CD180: variants seen among roughly 807,000 people sequenced by gnomAD.
The protein encoded by CD180 is CD180 molecule.
A neutral mutation model predicts 10.7 loss-of-function variants in CD180; 11 were observed. The ratio of observed to expected loss-of-function variants is 1.03; its 90% CI spans 0.65 to 1.70. CD180 has a LOEUF of 1.70. CD180 is among the 40% of genes most tolerant of loss of function. The probability of loss-of-function intolerance (pLI) is 0.00; values close to 1 mark genes in which losing one functional copy is unlikely to be tolerated. For missense variants in CD180, 729 were observed against 775.2 expected (o/e 0.94, Z 0.71); for synonymous variants, 286 against 294.6 (o/e 0.97, Z 0.30).
At chr5:67,191,447 T>A (rs1480142816) in intron 1 of CD180, among the ~76,000 whole-genome samples, 3 of 152,178 alleles carry the variant, frequency 2.0e-5, no homozygotes, top group African/African-American at 7.2e-5. Flanking sequence ...AACTTGGAGT[T>A]CCTTTCAAAA....
Position 67,183,536 on chromosome 5 carries a change from G to C in CD180, c.1307C>G (p.Ala436Gly). The C allele has an allele frequency of 6.2e-7, 1 of 1,614,214 alleles. No individual in the cohort carries two copies. The highest frequency in any genetic ancestry group is 8.5e-7 in the Non-Finnish European group (1 of 1,180,040). Reference sequence around the variant, plus strand: ...GAGGTTTTGGAAGGGACTTTGTGGAGCATTAATGTGTAAGCGGGTAAATGC... The same window carrying C: ...GAGGTTTTGGAAGGGACTTTGTGGACCATTAATGTGTAAGCGGGTAAATGC... ...DLAFTRLHIN[A>G]PQSPFQNLHF... is the part of the protein sequence containing the mutation. The change falls in exon 3 of 3, where the codon GCT becomes GGT. Residue 436 changes from alanine (A) to glycine (G), a missense_variant. By Grantham distance (60) the Ala-to-Gly change is moderately conservative. Transcript: ENST00000256447.
At chr5:67,184,640 C>A in intron 2 of CD180, 55 bp from the exon 3 acceptor site, 4 of 1,408,002 alleles carry the variant, frequency 2.8e-6, no homozygotes, top group South Asian at 1.3e-5. Flanking sequence ...TAAAAAAATA[C>A]TTTACAGTGA....
chr5:67,195,946 T>C (rs1482221914), intron 1 of CD180, among the ~76,000 whole-genome samples: 1 of 152,306 alleles, frequency 6.6e-6, no homozygotes, highest in East Asian at 1.9e-4. Flanking sequence ...TTCTCCTTTT[T>C]CTCTCATTAT....
chr5:67,187,592 G>A (rs1739762998), intron 1 of CD180, among the ~76,000 whole-genome samples: 1 of 152,180 alleles, frequency 6.6e-6, no homozygotes, highest in Non-Finnish European at 1.5e-5. Flanking sequence ...GAAGCCTGTA[G>A]AACTGTGGGG....
In CD180 at chr5:67,182,751, G is replaced by T; in HGVS notation, c.*106C>A. The T allele has an allele frequency of 1.1e-6, 1 of 895,778 alleles. No homozygotes were observed. 55.5% of individuals were successfully genotyped at this position (895,778 alleles called of 1,614,324 possible). ...CACAGTGAGTCCCTGCCCAGTTCCA[G>T]GAAGCAATCTGAAAAGTCTGGTCTG... On this transcript the variant is annotated 3_prime_UTR_variant, in exon 3 of 3. Transcript: ENST00000256447.
intron 1 of CD180, among the ~76,000 whole-genome samples, chr5:67,189,811 T>C (rs987086052): frequency 6.6e-6 from 1 of 152,132 alleles, no homozygotes; most frequent in Non-Finnish European, 1.5e-5. Context: ...TTCTGTTTGA[T>C]TGAGAGTACA....
chr5:67,184,289 A>G lies in CD180; in HGVS notation c.554T>C (p.Ile185Thr), dbSNP rs1295712370. ...CATGTCTTCTCTAGAGATGTAGTGTATAGCATTATTCTGAAAATCCAGTAC... is the reference window on the plus strand; with the variant it reads ...CATGTCTTCTCTAGAGATGTAGTGTGTAGCATTATTCTGAAAATCCAGTAC... ...LKVLDFQNNAIHYISREDMRS... is the reference protein window; with the variant it reads ...LKVLDFQNNATHYISREDMRS... The change falls in exon 3 of 3, where the codon ATA (isoleucine) becomes ACA (threonine). Residue 185 changes from isoleucine to threonine, a missense_variant. Ile to Thr is a moderately conservative substitution (Grantham distance 89, BLOSUM62 -1). Transcript: ENST00000256447. The G allele has an allele frequency of 6.2e-6, 10 of 1,614,084 alleles. No individual in the cohort carries two copies. The Admixed American group carries it at 1.5e-4, about 24-fold the overall frequency.
Position 67,180,222 on chromosome 5 carries a change from C to A in CD180, c.*2635G>T, listed in dbSNP as rs1182665142. 6.6e-6 allele frequency: 1 copy of A among 152,218 alleles called. No individual in the cohort carries two copies. The highest frequency in any genetic ancestry group is 1.5e-5 in the Non-Finnish European group (1 of 68,036). The allele number at this position is 152,218 out of a possible 1,614,324, so 9.4% of individuals were successfully genotyped here. A position where few individuals can be genotyped will look rare whatever the true frequency, so the allele number is the denominator to read the frequency against. The stretch of plus-strand genomic sequence containing the variant: ...TTATGCTTTGCTAAGGCCTGGGCCC[C>A]TTTCATTGTTAGTGTGATGTAATTC... On this transcript the variant is annotated 3_prime_UTR_variant, in exon 3 of 3. Coordinates refer to ENST00000256447, the MANE Select transcript of CD180 (RefSeq NM_005582.3).
intron 1 of CD180, among the ~76,000 whole-genome samples, chr5:67,196,294 A>T (rs1742402613): frequency 6.6e-6 from 1 of 152,116 alleles, no homozygotes; most frequent in African/African-American, 2.4e-5. Context: ...ATATCTTATG[A>T]CCCACTTGGG....
chr5:67,186,132 C>A, intron 1 of CD180, 115 bp from the exon 2 acceptor site: 1 of 609,450 alleles, frequency 1.6e-6, no homozygotes, highest in Non-Finnish European at 2.7e-6. Flanking sequence ...TAATCTTTAC[C>A]AAATATACAC....
Position 67,184,502 on chromosome 5 carries a change from A to T in CD180, c.341T>A (p.Ile114Lys). ...STLVLTGNPL[I>K]FMAETSLNGP... ...ATTAAGCGATGTTTCTGCCATGAAT[A>T]TCAGGGGATTTCCAGTTAACACAAG... is the stretch of plus-strand genomic sequence containing the variant. The change falls in exon 3 of 3, where the codon ATA becomes AAA. Residue 114 changes from isoleucine to lysine, a missense_variant. Coordinates refer to ENST00000256447, the MANE Select transcript of CD180 (RefSeq NM_005582.3). 1.2e-6 allele frequency: 2 copies of T among 1,614,058 alleles called. No individual in the cohort carries two copies. The highest frequency in any genetic ancestry group is 1.7e-6 in the Non-Finnish European group (2 of 1,179,870).
chr5:67,187,459 TAAGTACAG>T (rs1184825214), intron 1 of CD180, among the ~76,000 whole-genome samples: 1 of 152,236 alleles, frequency 6.6e-6, no homozygotes, highest in Non-Finnish European at 1.5e-5. Context: ...ACCCTACACA[TAAGTACAG>T]ATAACTTCCT....
rs1220583361 is a variant in CD180 at position 67,196,745 on chromosome 5, A to G, written c.-104T>C. On this transcript the variant is annotated 5_prime_UTR_variant, in exon 1 of 3. Transcript: ENST00000256447. ...TTTGGCAGCCAGAGAGGTACTCAGA[A>G]GGGTGATCTTGGAACAAGAAATGCT... The G allele has an allele frequency of 6.9e-7, 1 of 1,446,252 alleles. No homozygotes were observed. The highest frequency in any genetic ancestry group is 9.4e-7 in the Non-Finnish European group (1 of 1,068,422). 89.6% of individuals were successfully genotyped at this position (1,446,252 alleles called of 1,614,324 possible).
Position 67,190,901 on chromosome 5 carries a change from G to A in CD180, c.91-4884C>T, listed in dbSNP as rs528049449. On this transcript the variant is annotated intron_variant, in intron 1 of 2. Coordinates refer to ENST00000256447, the MANE Select transcript of CD180 (RefSeq NM_005582.3). ...AAGTGTTGAAACATTTTCTAATTTG[G>A]AACTCTGAATTTCACTCAAGTGCTT... 129 of 983,508 alleles carry A rather than the reference G, an allele frequency of 1.3e-4. 1 individual carries two copies. The South Asian group carries it at 5.4e-3, about 41-fold the overall frequency. 60.9% of individuals were successfully genotyped at this position (983,508 alleles called of 1,614,324 possible). A position where few individuals can be genotyped will look rare whatever the true frequency, so the allele number is the denominator to read the frequency against.
Position 67,183,107 on chromosome 5 carries a change from AG to A in CD180, c.1735del (p.Leu579TrpfsTer11), listed in dbSNP as rs760256761. On this transcript the variant is annotated frameshift_variant, in exon 3 of 3. Coordinates refer to ENST00000256447, the MANE Select transcript of CD180 (RefSeq NM_005582.3). LOFTEE classifies it low-confidence loss of function (END_TRUNC). ...ATGAATATTCGAGCAAGTGCAGTCC[AG>A]GGGGTTATGACTTAAATTAATGGTG... ...QSTINLSHNP[L>X]DCTCSNIHFL... is the part of the protein sequence containing the mutation. The A allele has an allele frequency of 1.2e-6, 2 of 1,611,238 alleles. No homozygotes were observed. The highest frequency in any genetic ancestry group is 1.7e-6 in the Non-Finnish European group (2 of 1,178,056).
chr5:67,196,603 C>T lies in CD180; in HGVS notation c.39G>A (p.Leu13=), dbSNP rs1410542025. 2 of 1,613,820 alleles carry T rather than the reference C, an allele frequency of 1.2e-6. No individual in the cohort carries two copies. The highest frequency in any genetic ancestry group is 1.7e-6 in the Non-Finnish European group (2 of 1,179,964). Residue 13 remains leucine (L), a synonymous_variant, in exon 1 of 3, where the codon CTG becomes CTA. Coordinates refer to ENST00000256447, the MANE Select transcript of CD180 (RefSeq NM_005582.3). ...TGATGACTTTACAGCCGGCAGAAAA[C>T]AGCACCACCCAAAAGAAGCAGCTGA... ...FDVSCFFWVV[L]FSAGCKVITS...
chr5:67,191,690 G>A (rs1055492109), intron 1 of CD180, among the ~76,000 whole-genome samples: 4 of 152,032 alleles, frequency 2.6e-5, no homozygotes, highest in African/African-American at 7.2e-5. Context: ...GACTTGATAC[G>A]GGTCCTAATA....
chr5:67,189,804 T>C (rs929249264), intron 1 of CD180, among the ~76,000 whole-genome samples: 1 of 152,132 alleles, frequency 6.6e-6, no homozygotes, highest in African/African-American at 2.4e-5. Context: ...CTTCACATTC[T>C]GTTTGATTGA....
chr5:67,190,538 C>T (rs1742280813), intron 1 of CD180, among the ~76,000 whole-genome samples: 1 of 152,268 alleles, frequency 6.6e-6, no homozygotes, highest in African/African-American at 2.4e-5. Flanking sequence ...TCTCACCTCT[C>T]TGCTTCTGCT....
Sources: allele counts gnomAD v4.1 joint callset (sites outside exome capture counted in the v4.1 genomes callset), GRCh38; gene constraint gnomAD v4.1.1; transcripts MANE v1.5; gene names NCBI Gene and HGNC (gene_info 2026-07-23, HGNC 2026-07-21).